RSPO3: variants seen among roughly 807,000 people sequenced by gnomAD.
The protein encoded by RSPO3 is R-spondin-3.
A neutral mutation model predicts 36.5 loss-of-function variants in RSPO3; 17 were observed. The observed-to-expected ratio is 0.47, with a 90% CI of 0.32 to 0.70. The LOEUF is 0.70. Ranked by LOEUF, RSPO3 falls within the 30% of genes least tolerant of loss-of-function variation. The pLI is 0.04. For missense variants in RSPO3, 294 were observed against 322.5 expected, an observed-to-expected ratio of 0.91 and a Z score of 0.68; for synonymous variants, 108 against 107.0, an observed-to-expected ratio of 1.01 and a Z score of -0.06.
rs149378756 is a variant in RSPO3, at chr6:127,197,451, G to C, written c.*1444G>C. 98 of 1,550,488 alleles carry C rather than the reference G, an allele frequency of 6.3e-5. No homozygotes were observed. The East Asian group carries it at 2.2e-3, about 36-fold the overall frequency. ...GGGATTGAAGTCACCCTAGCTGAAGGCCTCACCAGTGTTTCACAGAGGACA... is the reference window on the plus strand; with the variant it reads ...GGGATTGAAGTCACCCTAGCTGAAGCCCTCACCAGTGTTTCACAGAGGACA... On this transcript the variant is annotated 3_prime_UTR_variant, in exon 5 of 5. Transcript: ENST00000356698.
chr6:127,137,136 T>TA (rs1409071760), intron 1 of RSPO3, among the ~76,000 whole-genome samples: 1 of 152,222 alleles, frequency 6.6e-6, no homozygotes, highest in Non-Finnish European at 1.5e-5. Flanking sequence ...CTCATGCCTG[T>TA]AATCCAGCAC....
chr6:127,199,419 T>G lies in RSPO3; in HGVS notation c.*3412T>G, dbSNP rs1775578243. Among the ~76,000 whole-genome samples, 1 of 152,176 alleles carries G rather than the reference T, an allele frequency of 6.6e-6. No homozygotes were observed. The highest frequency in any genetic ancestry group is 6.5e-5 in the Admixed American group (1 of 15,272). ...GTACATGCATGATAATTTCAAGGAA[T>G]AAGTATATATGTGAGAATCATGGAA... is the stretch of plus-strand genomic sequence containing the variant. On this transcript the variant is annotated 3_prime_UTR_variant, in exon 5 of 5. Transcript: ENST00000356698.
intron 4 of RSPO3, among the ~76,000 whole-genome samples, chr6:127,180,449 G>T (rs1775157718): frequency 8.1e-6 from 1 of 122,770 alleles, no homozygotes; most frequent in African/African-American, 3.1e-5. Flanking sequence ...CTATAAGAAG[G>T]TAACCTGACA....
At chr6:127,150,376 TAGTTA>T (rs780861501) in intron 2 of RSPO3, 45 bp from the exon 3 acceptor site, 22 of 1,552,682 alleles carry the variant, frequency 1.4e-5, no homozygotes, top group Non-Finnish European at 1.8e-5. Flanking sequence ...ACTGGACCAA[TAGTTA>T]AGAGAACATA....
At chr6:127,141,150 A>C (rs1024408717) in intron 1 of RSPO3, among the ~76,000 whole-genome samples, 2 of 152,214 alleles carry the variant, frequency 1.3e-5, no homozygotes. Context: ...AATGTTGAGC[A>C]CACTGTGGGT....
At chr6:127,182,941 T>G (rs1360947401) in intron 4 of RSPO3, among the ~76,000 whole-genome samples, 1 of 152,026 alleles carries the variant, frequency 6.6e-6, no homozygotes. Context: ...TAGAAGATAA[T>G]TAAGGAAGAC....
In RSPO3 at chr6:127,194,980, A is replaced by G. The variant is rs149900244; in HGVS notation, c.635-843A>G. 3.3e-5 allele frequency among the ~76,000 whole-genome samples: 5 copies of G among 152,324 alleles called. No homozygotes were observed. The East Asian group carries it at 9.6e-4, about 29-fold the overall frequency. On this transcript the variant is annotated intron_variant, in intron 4 of 4. Transcript: ENST00000356698. ...AATTATAATCAAAATTAATTTCAAC[A>G]TACAAATATTTATGTTAAAATACAA...
At chr6:127,151,519 G>A (rs921350441) in intron 3 of RSPO3, among the ~76,000 whole-genome samples, 1 of 151,960 alleles carries the variant, frequency 6.6e-6, no homozygotes, top group African/African-American at 2.4e-5. Flanking sequence ...TCCTGATTCA[G>A]TACAAGATAG....
rs193142106 is a variant in RSPO3 at position 127,172,357 on chromosome 6, C to T, written c.634+16919C>T. On this transcript the variant is annotated intron_variant, in intron 4 of 4. Transcript: ENST00000356698. ...ATCCAAATGCTGAGTTGCTTTAAATCCTAATGTTCCATAGAGCCCCACTAA... is the reference window on the plus strand; with the variant it reads ...ATCCAAATGCTGAGTTGCTTTAAATTCTAATGTTCCATAGAGCCCCACTAA... Among the ~76,000 whole-genome samples the T allele has an allele frequency of 3.2e-3, 490 of 151,504 alleles. 3 individuals carry two copies. Among genetic ancestry groups the T allele is most frequent in the Admixed American group, 6.3e-3 (95 of 15,148 alleles).
rs184239945 is a variant in RSPO3 at position 127,168,414 on chromosome 6, T to G, written c.634+12976T>G. Reference sequence around the variant, plus strand: ...CATAAATGTCTTCTTTTTAGAAGTGTCTGTTATATCTTTTGCCCACTTTTT... The same window carrying G: ...CATAAATGTCTTCTTTTTAGAAGTGGCTGTTATATCTTTTGCCCACTTTTT... On this transcript the variant is annotated intron_variant, in intron 4 of 4. Coordinates refer to ENST00000356698, the MANE Select transcript of RSPO3 (RefSeq NM_032784.5). Among the ~76,000 whole-genome samples the G allele has an allele frequency of 5.2e-3, 498 of 95,742 alleles. 1 individual carries two copies. The highest frequency in any genetic ancestry group is 8.2e-3 in the Non-Finnish European group (365 of 44,276). The allele number at this position is 95,742 out of a possible 152,430, so 62.8% of individuals were successfully genotyped here.
intron 4 of RSPO3, among the ~76,000 whole-genome samples, chr6:127,180,102 G>A (rs1477406134): frequency 1.3e-5 from 2 of 151,852 alleles, no homozygotes; most frequent in Non-Finnish European, 2.9e-5. Flanking sequence ...AAAATTGACA[G>A]ATGTGTCCTC....
intron 1 of RSPO3, among the ~76,000 whole-genome samples, chr6:127,144,957 C>A (rs1176566238): frequency 6.6e-6 from 1 of 152,066 alleles, no homozygotes; most frequent in Non-Finnish European, 1.5e-5. Context: ...TAAGTAGCCA[C>A]CATCAGAGAC....
intron 1 of RSPO3, among the ~76,000 whole-genome samples, chr6:127,135,516 G>A (rs1381380819): frequency 6.6e-6 from 1 of 151,618 alleles, no homozygotes; most frequent in African/African-American, 2.4e-5. Context: ...ATGGGAAGAT[G>A]TGAACTCTAT....
chr6:127,154,409 C>G (rs1441754242), intron 3 of RSPO3, among the ~76,000 whole-genome samples: 1 of 151,992 alleles, frequency 6.6e-6, no homozygotes, highest in South Asian at 2.1e-4. Context: ...GAAACTAATA[C>G]AGAAAAAGGA....
intron 4 of RSPO3, among the ~76,000 whole-genome samples, chr6:127,189,536 C>A (rs1208318579): frequency 6.6e-6 from 1 of 152,102 alleles, no homozygotes; most frequent in Non-Finnish European, 1.5e-5. Flanking sequence ...ATACTCAGTG[C>A]CTTCCAATCA....
At chr6:127,128,063 C>T (rs1312520443) in intron 1 of RSPO3, among the ~76,000 whole-genome samples, 3 of 152,022 alleles carry the variant, frequency 2.0e-5, no homozygotes, top group South Asian at 2.1e-4. Context: ...CTATGGTGCG[C>T]GTAACCAAGA....
chr6:127,120,748 G>C (rs1773827338), intron 1 of RSPO3, among the ~76,000 whole-genome samples: 1 of 152,254 alleles, frequency 6.6e-6, no homozygotes, highest in African/African-American at 2.4e-5. Context: ...AGAGCGACAG[G>C]GGCCCTGGCC....
chr6:127,119,266 C>T lies in RSPO3; in HGVS notation c.74C>T (p.Ser25Phe). Residue 25 changes from serine to phenylalanine, a missense_variant, in exon 1 of 5, where the codon TCC (serine) becomes TTC (phenylalanine). Physicochemically the swap from Ser to Phe is radical, Grantham distance 155 (BLOSUM62 -2). Coordinates refer to ENST00000356698, the MANE Select transcript of RSPO3 (RefSeq NM_032784.5). ...GAATACATCGGCAGCCAAAACGCCTCCCGGGGAAGGCGCCAGCGAAGAAGT... is the reference window on the plus strand; with the variant it reads ...GAATACATCGGCAGCCAAAACGCCTTCCGGGGAAGGCGCCAGCGAAGAAGT... Reference protein sequence around the residue: ...FMEYIGSQNASRGRRQRRMHP... With the variant: ...FMEYIGSQNAFRGRRQRRMHP... The T allele has an allele frequency of 1.2e-6, 2 of 1,612,748 alleles. No individual in the cohort carries two copies. The highest frequency in any genetic ancestry group is 8.5e-7 in the Non-Finnish European group (1 of 1,179,264).
intron 4 of RSPO3, among the ~76,000 whole-genome samples, chr6:127,187,469 G>A (rs964507307): frequency 3.3e-5 from 5 of 151,860 alleles, no homozygotes; most frequent in Non-Finnish European, 7.4e-5. Flanking sequence ...AATATTTGAC[G>A]GTGCTTAATA....
Sources: gnomAD v4.1 joint callset for allele counts (sites outside exome capture counted in the v4.1 genomes callset) on GRCh38, gnomAD v4.1.1 for gene constraint, MANE v1.5 for transcripts, NCBI Gene and HGNC (gene_info 2026-07-23, HGNC 2026-07-21) for gene names.